The following FHIT variants were observed in gnomAD, a reference collection of about 807,000 sequenced individuals.
FHIT encodes the protein bis(5'-adenosyl)-triphosphatase.
In FHIT, 19 loss-of-function variants were observed where a neutral mutation model predicts 17.9. The observed-to-expected ratio is 1.06, with a 90% CI of 0.74 to 1.56. FHIT has a LOEUF of 1.56. Among genes scored for constraint, FHIT ranks in the 40% most tolerant of loss-of-function variants. The probability of loss-of-function intolerance (pLI) is 0.00; values close to 1 mark genes in which losing one functional copy is unlikely to be tolerated. For synonymous variants in FHIT, 81 were observed against 69.7 expected, an observed-to-expected ratio of 1.16 and a Z score of -0.81; for missense variants, 248 against 189.2, an observed-to-expected ratio of 1.31 and a Z score of -1.82.
At chr3:60,271,266 G>C (rs1239462361) in intron 5 of FHIT, among the ~76,000 whole-genome samples, 1 of 152,094 alleles carries the variant, frequency 6.6e-6, no homozygotes, top group Non-Finnish European at 1.5e-5. Context: ...AGCCAGGCAT[G>C]GTGGCTCACA....
intron 8 of FHIT, among the ~76,000 whole-genome samples, chr3:59,919,281 C>T (rs1189992594): frequency 1.3e-5 from 2 of 152,128 alleles, no homozygotes. Flanking sequence ...AAGCTCACCC[C>T]CTTGGAAGGC....
At chr3:60,426,922 T>C (rs540741250) in intron 5 of FHIT, among the ~76,000 whole-genome samples, 5 of 152,092 alleles carry the variant, frequency 3.3e-5, no homozygotes, top group African/African-American at 1.2e-4. Context: ...CCCTCTTAAG[T>C]ATGGGCAACA....
chr3:61,167,713 GGAAAA>G (rs996638172), intron 2 of FHIT, among the ~76,000 whole-genome samples: 4 of 149,942 alleles, frequency 2.7e-5, no homozygotes, highest in Non-Finnish European at 5.9e-5. Flanking sequence ...GGAAAGGAAA[GGAAAA>G]GAAAAGAAAA....
intron 5 of FHIT, among the ~76,000 whole-genome samples, chr3:60,163,089 G>A (rs982080347): frequency 2.6e-5 from 4 of 152,100 alleles, no homozygotes; most frequent in African/African-American, 9.7e-5. Context: ...GACATGAGGG[G>A]AAGTTCTGCA....
intron 1 of FHIT, among the ~76,000 whole-genome samples, chr3:61,213,546 C>T (rs2106779849): frequency 6.6e-6 from 1 of 152,256 alleles, no homozygotes; most frequent in Admixed American, 6.5e-5. Flanking sequence ...GACTCCCACA[C>T]AATAAGAATG....
intron 4 of FHIT, among the ~76,000 whole-genome samples, chr3:60,563,314 C>A (rs1010933418): frequency 6.6e-6 from 1 of 152,160 alleles, no homozygotes; most frequent in Non-Finnish European, 1.5e-5. Flanking sequence ...GTCAAAGAAC[C>A]AGTCAGTGCA....
intron 5 of FHIT, among the ~76,000 whole-genome samples, chr3:60,530,010 A>G (rs1000274170): frequency 7.2e-5 from 11 of 152,142 alleles, no homozygotes; most frequent in Non-Finnish European, 1.0e-4. Context: ...TACCTGCTAA[A>G]AGTCCTAATC....
At chr3:59,914,980 C>T (rs1300716824) in intron 8 of FHIT, among the ~76,000 whole-genome samples, 1 of 152,164 alleles carries the variant, frequency 6.6e-6, no homozygotes, top group Non-Finnish European at 1.5e-5. Context: ...ATGTCAAGAA[C>T]CTTGAATGTA....
In FHIT at chr3:61,191,544, G is replaced by A. The variant is rs537465620; in HGVS notation, c.-164+9073C>T. ...AAATAAACCAATAAATAACCTTTTG[G>A]TTCTGTTTCTCTGAAGAATCCTGAC... On this transcript the variant is annotated intron_variant, in intron 2 of 9. Transcript: ENST00000492590. Among the ~76,000 whole-genome samples the A allele has an allele frequency of 5.9e-4, 90 of 152,194 alleles. 2 individuals carry two copies. In the South Asian group the frequency reaches 0.018, roughly 31 times the overall value.
At chr3:59,877,600 T>C (rs1253085932) in intron 8 of FHIT, among the ~76,000 whole-genome samples, 2 of 152,180 alleles carry the variant, frequency 1.3e-5, no homozygotes, top group African/African-American at 2.4e-5. Context: ...ACATTGACCA[T>C]GTTCAGACAT....
chr3:61,036,753 G>A (rs905704687), intron 3 of FHIT, among the ~76,000 whole-genome samples: 10 of 152,062 alleles, frequency 6.6e-5, no homozygotes, highest in Admixed American at 3.9e-4. Context: ...GATTTAAACC[G>A]GTGAGCACAA....
intron 1 of FHIT, among the ~76,000 whole-genome samples, chr3:61,238,256 T>C (rs561609007): frequency 1.3e-5 from 2 of 152,152 alleles, no homozygotes; most frequent in Non-Finnish European, 2.9e-5. Context: ...TAGATTTCAC[T>C]TGCATATACT....
chr3:60,021,054 T>C (rs186364962), intron 5 of FHIT, among the ~76,000 whole-genome samples: 102 of 152,300 alleles, frequency 6.7e-4, no homozygotes, highest in Non-Finnish European at 1.1e-3. Flanking sequence ...TAACCATAAA[T>C]GACACAGATG....
At position 59,996,309 on chromosome 3, in the gene FHIT, A is replaced by G. The variant is rs550767967; in HGVS notation, c.279+15062T>C. ...TGAGTGAGAGAGACATTTTGCAAACATGGGTAGAATGTGGCTTTGTGACTT... is the reference window on the plus strand; with the variant it reads ...TGAGTGAGAGAGACATTTTGCAAACGTGGGTAGAATGTGGCTTTGTGACTT... On this transcript the variant is annotated intron_variant, in intron 7 of 9. Transcript: ENST00000492590. Among the ~76,000 whole-genome samples the G allele has an allele frequency of 6.9e-4, 105 of 152,042 alleles. 1 individual carries two copies. The highest frequency in any genetic ancestry group is 1.2e-3 in the South Asian group (6 of 4,828).
intron 8 of FHIT, among the ~76,000 whole-genome samples, chr3:59,864,844 A>AC (rs1206303234): frequency 1.4e-4 from 22 of 152,068 alleles, no homozygotes; most frequent in African/African-American, 5.3e-4. Flanking sequence ...AAAAAAAAAA[A>AC]ACATTTTGCA....
chr3:60,039,471 G>A (rs1701350419), intron 5 of FHIT, among the ~76,000 whole-genome samples: 1 of 152,198 alleles, frequency 6.6e-6, no homozygotes, highest in African/African-American at 2.4e-5. Flanking sequence ...AAATACTGCT[G>A]AGGGGAAGGC....
intron 5 of FHIT, among the ~76,000 whole-genome samples, chr3:60,240,393 T>G (rs1472524546): frequency 6.6e-6 from 1 of 152,142 alleles, no homozygotes; most frequent in African/African-American, 2.4e-5. Flanking sequence ...ACCCTTAAAT[T>G]TCCATCATCA....
Position 60,838,594 on chromosome 3 carries a change from T to C in FHIT, c.-110-16583A>G, listed in dbSNP as rs1464534319. On this transcript the variant is annotated intron_variant, in intron 3 of 9. Coordinates refer to ENST00000492590, the MANE Select transcript of FHIT (RefSeq NM_002012.4). Reference sequence around the variant, plus strand: ...GAGGATATTTTCACAGGCAATAGGATACTGGCTTGACTGTTGATTGTTATC... The same window carrying C: ...GAGGATATTTTCACAGGCAATAGGACACTGGCTTGACTGTTGATTGTTATC... Among the ~76,000 whole-genome samples, 4 of 152,184 alleles carry C rather than the reference T, an allele frequency of 2.6e-5. No individual in the cohort carries two copies. The East Asian group carries it at 7.7e-4, about 29-fold the overall frequency.
chr3:60,457,435 A>G (rs1182125220), intron 5 of FHIT, among the ~76,000 whole-genome samples: 1 of 151,992 alleles, frequency 6.6e-6, no homozygotes, highest in Non-Finnish European at 1.5e-5. Flanking sequence ...TGAATTCAAG[A>G]TGGATTAAAG....
Sources: allele counts gnomAD v4.1 joint callset (sites outside exome capture counted in the v4.1 genomes callset), GRCh38; gene constraint gnomAD v4.1.1; transcripts MANE v1.5; gene names NCBI Gene and HGNC (gene_info 2026-07-23, HGNC 2026-07-21).